Variants in FRZB observed in about 807,000 individuals in gnomAD.
FRZB encodes secreted frizzled-related protein 3.
In FRZB, 34 loss-of-function variants were observed where a neutral mutation model predicts 32.5. The observed-to-expected ratio is 1.05, with a 90% CI of 0.80 to 1.39. The LOEUF (loss-of-function observed/expected upper bound fraction) is 1.39. FRZB is among the 40% of genes most tolerant of loss of function. The pLI, the probability that FRZB is intolerant of heterozygous loss-of-function variation, is 0.00. For missense variants in FRZB, 423 were observed against 424.8 expected (o/e 1.00, Z 0.04); for synonymous variants, 170 against 159.2 (o/e 1.07, Z -0.51).
rs1695502469 is a variant in FRZB, at chr2:182,834,548, A to G, written c.*301T>C. The G allele has an allele frequency of 5.9e-6, 2 of 339,940 alleles. No individual in the cohort carries two copies. Among genetic ancestry groups the G allele is most frequent in the Admixed American group, 8.4e-5 (2 of 23,948 alleles). 21.1% of individuals were successfully genotyped at this position (339,940 alleles called of 1,614,324 possible). On this transcript the variant is annotated 3_prime_UTR_variant, in exon 6 of 6. Coordinates refer to ENST00000295113, the MANE Select transcript of FRZB (RefSeq NM_001463.4). ...AATTAACATCTGGAGACTCCAGCAAAGAGGCTCTGGTAACAGCATGTTTAA... is the reference window on the plus strand; with the variant it reads ...AATTAACATCTGGAGACTCCAGCAAGGAGGCTCTGGTAACAGCATGTTTAA...
At chr2:182,860,188 C>T (rs1056102187) in intron 1 of FRZB, among the ~76,000 whole-genome samples, 26 of 152,188 alleles carry the variant, frequency 1.7e-4, no homozygotes, top group Middle Eastern at 3.4e-3. Context: ...AATGTTTCTA[C>T]GCTTTTACAA....
chr2:182,857,419 G>C (rs2887227), intron 2 of FRZB, among the ~76,000 whole-genome samples: 68,797 of 151,720 alleles, frequency 0.45, 17,062 homozygotes, highest in Non-Finnish European at 0.55. Flanking sequence ...TCAAGTGTTA[G>C]AGACCAGCTG....
intron 1 of FRZB, among the ~76,000 whole-genome samples, chr2:182,863,355 A>C (rs1202277124): frequency 6.6e-6 from 1 of 152,244 alleles, no homozygotes; most frequent in African/African-American, 2.4e-5. Flanking sequence ...ATGCAAATAT[A>C]AAATGTGTAA....
intron 2 of FRZB, among the ~76,000 whole-genome samples, chr2:182,855,538 T>G (rs1237937864): frequency 1.3e-5 from 2 of 152,052 alleles, no homozygotes; most frequent in Non-Finnish European, 2.9e-5. Context: ...AGTAGGAGAT[T>G]GAACAAGACC....
chr2:182,864,160 G>A (rs1045443137), intron 1 of FRZB, among the ~76,000 whole-genome samples: 1 of 152,224 alleles, frequency 6.6e-6, no homozygotes, highest in Non-Finnish European at 1.5e-5. Context: ...TTGTTCCACA[G>A]TGATTGGTAA....
chr2:182,855,170 C>T (rs1429625871), intron 2 of FRZB, among the ~76,000 whole-genome samples: 1 of 152,160 alleles, frequency 6.6e-6, no homozygotes, highest in African/African-American at 2.4e-5. Context: ...ACTAGGTTAA[C>T]TGTTGCTAAA....
chr2:182,844,501 T>TG, intron 2 of FRZB, among the ~76,000 whole-genome samples: 1 of 152,280 alleles, frequency 6.6e-6, no homozygotes, highest in African/African-American at 2.4e-5. Context: ...TATATAGACT[T>TG]GTGATTTTTC....
At chr2:182,853,620 C>T (rs1574986978) in intron 2 of FRZB, among the ~76,000 whole-genome samples, 1 of 152,108 alleles carries the variant, frequency 6.6e-6, no homozygotes, top group South Asian at 2.1e-4. Context: ...TGTTGGGACA[C>T]CTTTGGTAGA....
intron 2 of FRZB, among the ~76,000 whole-genome samples, chr2:182,855,901 A>T (rs1030232662): frequency 6.6e-6 from 1 of 152,100 alleles, no homozygotes; most frequent in Non-Finnish European, 1.5e-5. Context: ...CAACCAAAGA[A>T]AACTGATGTA....
chr2:182,860,456 T>C (rs1193981295), intron 1 of FRZB, among the ~76,000 whole-genome samples: 3 of 151,956 alleles, frequency 2.0e-5, no homozygotes, highest in Non-Finnish European at 4.4e-5. Flanking sequence ...TGAGAAATGG[T>C]AAGGTCCAAA....
intron 1 of FRZB, among the ~76,000 whole-genome samples, chr2:182,861,439 T>A (rs1695830547): frequency 6.6e-6 from 1 of 152,244 alleles, no homozygotes; most frequent in Non-Finnish European, 1.5e-5. Flanking sequence ...GTGTTGCTAA[T>A]GGTTCCTGTC....
chr2:182,847,705 G>A (rs1695661354), intron 2 of FRZB, among the ~76,000 whole-genome samples: 1 of 152,180 alleles, frequency 6.6e-6, no homozygotes, highest in East Asian at 1.9e-4. Context: ...CATCAGCTAT[G>A]GGGAATGAGG....
intron 5 of FRZB, among the ~76,000 whole-genome samples, chr2:182,835,791 C>T (rs1184747844): frequency 2.6e-5 from 4 of 151,944 alleles, no homozygotes; most frequent in Admixed American, 6.6e-5. Context: ...TAACAAGCTC[C>T]CAGGTGATAC....
intron 5 of FRZB, among the ~76,000 whole-genome samples, chr2:182,837,617 C>T (rs141924422): frequency 3.9e-5 from 6 of 151,936 alleles, no homozygotes; most frequent in Non-Finnish European, 5.9e-5. Context: ...AGTATGAAAG[C>T]GATGCCTTTA....
rs768549784 is a variant in FRZB, at chr2:182,858,841, G to A, written c.479-8C>T. 1.2e-6 allele frequency: 2 copies of A among 1,605,934 alleles called. No homozygotes were observed. The highest frequency in any genetic ancestry group is 8.5e-7 in the Non-Finnish European group (1 of 1,174,256). ...TAGAATCCATAGGAAAATCTGAAAGGAGGTGACAGAAAAAAGAACTATAAC... is the reference window on the plus strand; with the variant it reads ...TAGAATCCATAGGAAAATCTGAAAGAAGGTGACAGAAAAAAGAACTATAAC... On this transcript the variant is annotated splice_polypyrimidine_tract_variant and splice_region_variant and intron_variant, in intron 1 of 5. Transcript: ENST00000295113.
rs774127940 is a variant in FRZB at position 182,838,569 on chromosome 2, C to T, written c.637G>A (p.Val213Met). 7 of 1,612,816 alleles carry T rather than the reference C, an allele frequency of 4.3e-6. No homozygotes were observed. The highest frequency in any genetic ancestry group is 1.6e-4 in the Middle Eastern group (1 of 6,070). Residue 213 changes from valine to methionine, a missense_variant, in exon 4 of 6, where the codon GTG (valine) becomes ATG (methionine). Coordinates refer to ENST00000295113, the MANE Select transcript of FRZB (RefSeq NM_001463.4). ...TCCTTCACCTCCACTACTGCAGTCA[C>T]ATCATGGCACTTAGTCTTTATCTCT... ...VKEIKTKCHD[V>M]TAVVEVKEIL...
chr2:182,836,311 T>A (rs1695525146), intron 5 of FRZB, among the ~76,000 whole-genome samples: 1 of 152,066 alleles, frequency 6.6e-6, no homozygotes, highest in African/African-American at 2.4e-5. Context: ...TTTTTACACA[T>A]CTTCAAATTG....
At chr2:182,863,911 C>T (rs922507698) in intron 1 of FRZB, among the ~76,000 whole-genome samples, 1 of 152,150 alleles carries the variant, frequency 6.6e-6, no homozygotes, top group Non-Finnish European at 1.5e-5. Flanking sequence ...CACCTCCCCC[C>T]ACCTTTGAGC....
At chr2:182,856,050 G>T (rs1031757654) in intron 2 of FRZB, among the ~76,000 whole-genome samples, 1 of 151,926 alleles carries the variant, frequency 6.6e-6, no homozygotes, top group African/African-American at 2.4e-5. Context: ...ATATCCTTTA[G>T]GAATGAAGGT....
Sources: allele counts gnomAD v4.1 joint callset (sites outside exome capture counted in the v4.1 genomes callset), GRCh38; gene constraint gnomAD v4.1.1; transcripts MANE v1.5; gene names NCBI Gene and HGNC (gene_info 2026-07-23, HGNC 2026-07-21).